The following TMCO5A variants were observed in gnomAD, a reference collection of about 807,000 sequenced individuals.
The protein encoded by TMCO5A is transmembrane and coiled-coil domain-containing protein 5A.
TMCO5A carries 34 observed loss-of-function variants against 42.3 expected under a neutral mutation model. That is an observed-to-expected ratio of 0.80 (90% CI 0.61 to 1.07). TMCO5A has a LOEUF of 1.07. Among genes scored for constraint, TMCO5A ranks in the 50% least tolerant of loss-of-function variants. The pLI is 0.00. For missense variants in TMCO5A, 357 were observed against 327.9 expected (o/e 1.09, Z -0.69); for synonymous variants, 131 against 115.6 (o/e 1.13, Z -0.86).
At chr15:37,934,740 G>T (rs1055246114) in intron 1 of TMCO5A, 46 bp downstream of exon 1, 1 of 152,112 alleles carries the variant, frequency 6.6e-6, no homozygotes, top group African/African-American at 2.4e-5. Context: ...AAACTAAGGG[G>T]AAGGGAGAGA....
chr15:38,016,200 T>A, the TMCO5A span, among the ~76,000 whole-genome samples: 1 of 152,228 alleles, frequency 6.6e-6, no homozygotes, highest in African/African-American at 2.4e-5. Flanking sequence ...TTCTGCTCAA[T>A]GTTGCTGTGA....
At chr15:37,936,786 G>A (rs773758510) in intron 3 of TMCO5A, 61 bp from the exon 4 acceptor site, 7 of 1,600,848 alleles carry the variant, frequency 4.4e-6, no homozygotes, top group Admixed American at 1.7e-5. Flanking sequence ...TGAAATCTGT[G>A]TTTTATCAGT....
At chr15:37,999,738 G>A in the TMCO5A span, among the ~76,000 whole-genome samples, 1 of 152,040 alleles carries the variant, frequency 6.6e-6, no homozygotes, top group Non-Finnish European at 1.5e-5. Context: ...TTTCATAAAG[G>A]GATGTTGAAT....
chr15:37,969,584 A>T (rs758971027), downstream of TMCO5A, among the ~76,000 whole-genome samples: 2 of 152,194 alleles, frequency 1.3e-5, no homozygotes, highest in Non-Finnish European at 2.9e-5. Flanking sequence ...GTTCAGGGGT[A>T]CATGTGCTTG....
intron 11 of TMCO5A, 59 bp from the exon 12 acceptor site, chr15:37,950,977 T>C (rs1045807579): frequency 2.7e-6 from 4 of 1,478,190 alleles, no homozygotes; most frequent in African/African-American, 1.4e-5. Context: ...GTATGATTTA[T>C]TTTTTGTTCC....
chr15:38,029,036 T>A, the TMCO5A span, among the ~76,000 whole-genome samples: 1 of 152,172 alleles, frequency 6.6e-6, no homozygotes, highest in African/African-American at 2.4e-5. Flanking sequence ...AATGCTGTTA[T>A]AACTCAATAG....
At chr15:38,028,037 A>G in the TMCO5A span, among the ~76,000 whole-genome samples, 1 of 152,196 alleles carries the variant, frequency 6.6e-6, no homozygotes, top group Non-Finnish European at 1.5e-5. Context: ...CTTGCATATA[A>G]TAGGTACTCA....
chr15:38,034,490 T>C, the TMCO5A span, among the ~76,000 whole-genome samples: 4 of 152,306 alleles, frequency 2.6e-5, no homozygotes, highest in East Asian at 5.8e-4. Flanking sequence ...TTATAAAAAA[T>C]AGGATTCCTT....
chr15:37,953,213 T>G (rs1010967778), downstream of TMCO5A, among the ~76,000 whole-genome samples: 26 of 152,062 alleles, frequency 1.7e-4, no homozygotes. Context: ...GGGCCTTGAG[T>G]GAACATAGAC....
the TMCO5A span, among the ~76,000 whole-genome samples, chr15:38,015,659 C>T: frequency 1.3e-5 from 2 of 152,128 alleles, no homozygotes; most frequent in African/African-American, 4.8e-5. Context: ...ACCAAGATGG[C>T]GTTCAGTAGG....
At position 37,937,344 on chromosome 15, in the gene TMCO5A, A is replaced by C. The variant is rs1244382628; in HGVS notation, c.265-2A>C. On this transcript the variant is annotated splice_acceptor_variant, in intron 4 of 11. Transcript: ENST00000319669. LOFTEE classifies it high-confidence loss of function. ...ATTTACACTGTTATTTCTCTCTCAC[A>C]GGAAAGGAAGAATAAGACGTTGGTC... 1.2e-6 allele frequency: 2 copies of C among 1,613,056 alleles called. No individual in the cohort carries two copies. The highest frequency in any genetic ancestry group is 8.5e-7 in the Non-Finnish European group (1 of 1,179,310).
chr15:38,016,675 A>G, the TMCO5A span, among the ~76,000 whole-genome samples: 1 of 152,164 alleles, frequency 6.6e-6, no homozygotes, highest in South Asian at 2.1e-4. Flanking sequence ...AAGGAAAGGT[A>G]TATAATAAGG....
At chr15:37,962,091 G>A (rs1411362448) in intron 11 of TMCO5A, among the ~76,000 whole-genome samples, 1 of 152,072 alleles carries the variant, frequency 6.6e-6, no homozygotes, top group African/African-American at 2.4e-5. Context: ...GAGGAGTAGT[G>A]AGAGTGGGCA....
chr15:37,979,375 G>T, the TMCO5A span, among the ~76,000 whole-genome samples: 2 of 152,206 alleles, frequency 1.3e-5, no homozygotes, highest in African/African-American at 4.8e-5. Context: ...GCAGTGCAGG[G>T]CTGCCAATGC....
At chr15:38,040,736 G>A in the TMCO5A span, 1 of 152,180 alleles carries the variant, frequency 6.6e-6, no homozygotes, top group African/African-American at 2.4e-5. Flanking sequence ...TATACAAAAT[G>A]TCCAGAATAG....
At chr15:38,035,527 TG>T in the TMCO5A span, among the ~76,000 whole-genome samples, 1 of 152,262 alleles carries the variant, frequency 6.6e-6, no homozygotes, top group East Asian at 1.9e-4. Flanking sequence ...GGAGCAGAAC[TG>T]CATGAGTGAA....
the TMCO5A span, among the ~76,000 whole-genome samples, chr15:37,978,114 G>A: frequency 8.5e-5 from 13 of 152,322 alleles, no homozygotes; most frequent in African/African-American, 1.9e-4. Flanking sequence ...CACTGCCAAC[G>A]GGAACGGGAA....
At chr15:37,991,631 C>T in the TMCO5A span, among the ~76,000 whole-genome samples, 4 of 152,152 alleles carry the variant, frequency 2.6e-5, no homozygotes, top group African/African-American at 9.6e-5. Context: ...ACTTTTCTTC[C>T]AATAGTCTTA....
chr15:38,022,214 C>A, the TMCO5A span, among the ~76,000 whole-genome samples: 3 of 152,112 alleles, frequency 2.0e-5, no homozygotes, highest in Non-Finnish European at 4.4e-5. Context: ...AAAACCTGCA[C>A]ACGAATTTAT....
Sources: allele counts gnomAD v4.1 joint callset (sites outside exome capture counted in the v4.1 genomes callset), GRCh38; gene constraint gnomAD v4.1.1; transcripts MANE v1.5; gene names NCBI Gene and HGNC (gene_info 2026-07-23, HGNC 2026-07-21).